The following WDFY4 variants were observed in gnomAD, a reference collection of about 807,000 sequenced individuals.
The protein encoded by WDFY4 is WD repeat- and FYVE domain-containing protein 4.
In WDFY4, 169 loss-of-function variants were observed where a neutral mutation model predicts 351.9. The observed-to-expected ratio is 0.48, with a 90% CI of 0.42 to 0.55. The LOEUF (loss-of-function observed/expected upper bound fraction) is 0.55, where lower values mean the gene tolerates loss of function less well. Among genes scored for constraint, WDFY4 ranks in the 20% least tolerant of loss-of-function variants. WDFY4 has a pLI of 0.00. For missense variants in WDFY4, 3,803 were observed against 3,935.6 expected (o/e 0.97, Z 0.90); for synonymous variants, 1,622 against 1,574.6 (o/e 1.03, Z -0.71).
rs1342598815 is a variant in WDFY4, at chr10:48,810,541, A to T, written c.4850A>T (p.Glu1617Val). The change falls in exon 29 of 62, where the codon GAG (glutamate) becomes GTG (valine). Residue 1617 changes from glutamate (E) to valine (V), a missense_variant. This residue lies in a region of WDFY4 where 3,054 missense variants were observed against 3,148.6 expected (regional missense o/e 0.97). Coordinates refer to ENST00000325239, the MANE Select transcript of WDFY4 (RefSeq NM_001394531.1). Reference protein sequence around the residue: ...QLHLSSESKEEMFLKLGPDWF... With the variant: ...QLHLSSESKEVMFLKLGPDWF... ...TTATTAATCCCCAGGTCAAAGGAAG[A>T]GATGTTTCTGAAACTGGGGCCTGAC... The T allele has an allele frequency of 6.4e-7, 1 of 1,551,516 alleles. No homozygotes were observed. The highest frequency in any genetic ancestry group is 2.0e-5 in the Admixed American group (1 of 50,944).
Position 48,981,534 on chromosome 10 carries a change from A to C in WDFY4, c.9488+56A>C. On this transcript the variant is annotated intron_variant, in intron 61 of 61. Transcript: ENST00000325239. ...AGCAGAGGGCACTGCAGCCACCTTT[A>C]GGAAAGCCCCAGTGGCTCTGAGTCC... 4 of 1,518,108 alleles carry C rather than the reference A, an allele frequency of 2.6e-6. No individual in the cohort carries two copies. In the South Asian group the frequency reaches 4.8e-5, roughly 18 times the overall value. 94.0% of individuals were successfully genotyped at this position (1,518,108 alleles called of 1,614,324 possible).
At chr10:48,898,178 G>C (rs577201484) in intron 45 of WDFY4, among the ~76,000 whole-genome samples, 1 of 152,176 alleles carries the variant, frequency 6.6e-6, no homozygotes, top group Non-Finnish European at 1.5e-5. Context: ...CAGAGGAAAA[G>C]CTCAGCCATA....
chr10:48,800,606 T>C (rs2067034658), intron 24 of WDFY4, among the ~76,000 whole-genome samples: 1 of 152,016 alleles, frequency 6.6e-6, no homozygotes, highest in Non-Finnish European at 1.5e-5. Context: ...TAAGGCAGGG[T>C]TGGACAGAAA....
chr10:48,779,357 G>A (rs1283820501), intron 18 of WDFY4, among the ~76,000 whole-genome samples: 1 of 152,236 alleles, frequency 6.6e-6, no homozygotes, highest in African/African-American at 2.4e-5. Flanking sequence ...GCCCTTTGGA[G>A]CCCAGCGTTG....
chr10:48,726,099 G>C (rs937375228), intron 6 of WDFY4, 29 bp downstream of exon 6: 1 of 1,525,654 alleles, frequency 6.6e-7, no homozygotes, highest in African/African-American at 1.4e-5. Flanking sequence ...GATGTGGGCT[G>C]TGGGCCATGC....
chr10:48,760,879 C>T (rs1379929048), intron 13 of WDFY4, among the ~76,000 whole-genome samples: 1 of 152,166 alleles, frequency 6.6e-6, no homozygotes, highest in Non-Finnish European at 1.5e-5. Context: ...TGAGCATAGA[C>T]ACTGTCCACA....
intron 43 of WDFY4, among the ~76,000 whole-genome samples, chr10:48,886,560 T>G (rs2070463480): frequency 2.0e-5 from 3 of 152,192 alleles, no homozygotes; most frequent in Admixed American, 1.3e-4. Flanking sequence ...CTGTCTTGCA[T>G]GCTCACTTCC....
chr10:48,823,610 C>T, intron 35 of WDFY4: 1 of 1,034,476 alleles, frequency 9.7e-7, no homozygotes, highest in Non-Finnish European at 1.2e-6. Flanking sequence ...GGAGAAATAG[C>T]CCTTGTCAGC....
intron 12 of WDFY4, among the ~76,000 whole-genome samples, chr10:48,759,379 G>T (rs933053388): frequency 1.3e-5 from 2 of 152,128 alleles, no homozygotes; most frequent in African/African-American, 2.4e-5. Flanking sequence ...TGGCGCTTTT[G>T]TTTCTCTGTT....
chr10:48,863,745 A>G (rs2069429077), intron 39 of WDFY4, among the ~76,000 whole-genome samples: 1 of 152,068 alleles, frequency 6.6e-6, no homozygotes, highest in Non-Finnish European at 1.5e-5. Flanking sequence ...ATATTGCTAT[A>G]AAGAACTGCC....
At chr10:48,782,974 C>T (rs986317844) in intron 19 of WDFY4, among the ~76,000 whole-genome samples, 8 of 151,968 alleles carry the variant, frequency 5.3e-5, no homozygotes, top group African/African-American at 1.9e-4. Context: ...TCTGTGCCTG[C>T]GAGAACAGAG....
At chr10:48,699,388 A>G (rs2063418653) in intron 1 of WDFY4, among the ~76,000 whole-genome samples, 1 of 152,174 alleles carries the variant, frequency 6.6e-6, no homozygotes, top group Non-Finnish European at 1.5e-5. Context: ...TTCACACCCC[A>G]CACGCATACA....
chr10:48,938,803 A>G (rs1244519659), intron 47 of WDFY4, among the ~76,000 whole-genome samples: 1 of 152,222 alleles, frequency 6.6e-6, no homozygotes, highest in Non-Finnish European at 1.5e-5. Context: ...TGAACTACCC[A>G]CGACGTCCTG....
Position 48,978,452 on chromosome 10 carries a change from C to T in WDFY4, c.9376+59C>T, listed in dbSNP as rs149950614. 71 of 1,449,172 alleles carry T rather than the reference C, an allele frequency of 4.9e-5. No individual in the cohort carries two copies. The Admixed American group carries it at 5.1e-4, about 10-fold the overall frequency. The allele number at this position is 1,449,172 out of a possible 1,614,324, so 89.8% of individuals were successfully genotyped here. ...CCTTGCCCTGCCCTCCTCACCTCCC[C>T]TCTCTCCACCTCAGCCCAAGGGCTG... On this transcript the variant is annotated intron_variant, in intron 60 of 61. Transcript: ENST00000325239.
chr10:48,906,403 A>C (rs1035716805), intron 47 of WDFY4, among the ~76,000 whole-genome samples: 1 of 152,308 alleles, frequency 6.6e-6, no homozygotes, highest in South Asian at 2.1e-4. Context: ...TCTGGGCCTG[A>C]ATTCCAAGTA....
At position 48,734,779 on chromosome 10, in the gene WDFY4, CT is replaced by C. The variant is rs779399565; in HGVS notation, c.1687+759del. Among the ~76,000 whole-genome samples the C allele has an allele frequency of 5.0e-3, 702 of 140,200 alleles. 1 individual carries two copies. Among genetic ancestry groups the C allele is most frequent in the African/African-American group, 8.2e-3 (315 of 38,250 alleles). 92.0% of individuals were successfully genotyped at this position (140,200 alleles called of 152,430 possible). A position where few individuals can be genotyped will look rare whatever the true frequency, so the allele number is the denominator to read the frequency against. On this transcript the variant is annotated intron_variant, in intron 10 of 61. Coordinates refer to ENST00000325239, the MANE Select transcript of WDFY4 (RefSeq NM_001394531.1). ...AGTCAAGGTGGAGCTCAGGAATCTA[CT>C]TTTTTTTTTTTTTTGAGGCAGAGTC...
intron 47 of WDFY4, among the ~76,000 whole-genome samples, chr10:48,936,379 A>AC (rs1301895125): frequency 6.6e-6 from 1 of 152,136 alleles, no homozygotes; most frequent in Non-Finnish European, 1.5e-5. Flanking sequence ...AAATTCTACT[A>AC]CCCAGTATAC....
chr10:48,950,990 A>G (rs1363688805), intron 51 of WDFY4, among the ~76,000 whole-genome samples: 3 of 152,234 alleles, frequency 2.0e-5, no homozygotes, highest in Non-Finnish European at 4.4e-5. Context: ...AGAGGCAGGC[A>G]TGGAGTTCTC....
At chr10:48,881,175 G>A (rs1012067391) in intron 43 of WDFY4, among the ~76,000 whole-genome samples, 2 of 152,266 alleles carry the variant, frequency 1.3e-5, no homozygotes, top group Non-Finnish European at 2.9e-5. Context: ...TCTGGCTGTT[G>A]CTGTTCCTTT....
Sources: gnomAD v4.1 joint callset for allele counts (sites outside exome capture counted in the v4.1 genomes callset) on GRCh38, gnomAD v4.1.1 for gene constraint, gnomAD v4.1.1 regional missense constraint, MANE v1.5 for transcripts, NCBI Gene and HGNC (gene_info 2026-07-23, HGNC 2026-07-21) for gene names.